Variants in COL24A1 observed in about 807,000 individuals in gnomAD.
COL24A1 encodes the protein collagen type XXIV alpha 1 chain, also known as collagen alpha-1(XXIV) chain.
Under a neutral mutation model 253.9 loss-of-function variants are expected in COL24A1, and 224 were observed. The observed-to-expected ratio is 0.88, with a 90% confidence interval of 0.79 to 0.99. COL24A1 has a LOEUF of 0.99. COL24A1 is among the 50% of genes least tolerant of loss of function. The pLI is 0.00. For synonymous variants in COL24A1, 685 were observed against 673.7 expected, an observed-to-expected ratio of 1.02 and a Z score of -0.26; for missense variants, 2,131 against 2,068.5, an observed-to-expected ratio of 1.03 and a Z score of -0.59.
intron 4 of COL24A1, among the ~76,000 whole-genome samples, chr1:86,114,589 G>A (rs1323499517): frequency 6.6e-6 from 1 of 152,126 alleles, no homozygotes; most frequent in Non-Finnish European, 1.5e-5. Context: ...AGCCCAATGA[G>A]AATTCATCTT....
intron 32 of COL24A1, among the ~76,000 whole-genome samples, chr1:85,887,874 C>T (rs113763432): frequency 0.014 from 2,065 of 152,124 alleles, 43 homozygotes; most frequent in African/African-American, 0.046. Flanking sequence ...TTTCTTTTCT[C>T]ACTTCTATAC....
intron 19 of COL24A1, among the ~76,000 whole-genome samples, chr1:86,003,011 G>A (rs750675323): frequency 3.9e-5 from 6 of 152,138 alleles, no homozygotes; most frequent in South Asian, 2.1e-4. Flanking sequence ...AATCAGTCCC[G>A]CCACTTGCAT....
At chr1:85,763,910 A>C (rs868673396) in intron 53 of COL24A1, among the ~76,000 whole-genome samples, 4 of 152,184 alleles carry the variant, frequency 2.6e-5, no homozygotes, top group African/African-American at 9.7e-5. Flanking sequence ...TTTATCCCAG[A>C]ATTTACATAC....
chr1:86,087,195 C>T lies in COL24A1; in HGVS notation c.1707+1979G>A, dbSNP rs148177466. 1.1e-3 allele frequency among the ~76,000 whole-genome samples: 174 copies of T among 152,056 alleles called. 5 individuals carry two copies. The East Asian group carries it at 0.025, about 22-fold the overall frequency. On this transcript the variant is annotated intron_variant, in intron 7 of 59. Transcript: ENST00000370571. ...TTTTTAAAAAATCTTATAAGAGAAA[C>T]AAGAAATCTGTGAAAGATATTCAAT... is the stretch of plus-strand genomic sequence containing the variant.
intron 52 of COL24A1, among the ~76,000 whole-genome samples, chr1:85,779,292 C>T (rs1280447898): frequency 2.0e-5 from 3 of 152,118 alleles, no homozygotes; most frequent in African/African-American, 4.8e-5. Flanking sequence ...TAGGAGTGAA[C>T]ATCTGGCTGA....
chr1:85,798,632 T>A (rs1241919390), intron 47 of COL24A1, among the ~76,000 whole-genome samples: 1 of 152,216 alleles, frequency 6.6e-6, no homozygotes, highest in Non-Finnish European at 1.5e-5. Context: ...GAAGCTTCGA[T>A]GGTGGTCCTA....
chr1:86,118,700 T>C (rs1440375120), intron 3 of COL24A1, among the ~76,000 whole-genome samples: 2 of 152,166 alleles, frequency 1.3e-5, no homozygotes, highest in Non-Finnish European at 2.9e-5. Flanking sequence ...AAGAGGTTAA[T>C]ATGGTGGACC....
intron 32 of COL24A1, among the ~76,000 whole-genome samples, chr1:85,884,994 T>C (rs1682307459): frequency 6.6e-6 from 1 of 152,078 alleles, no homozygotes; most frequent in Non-Finnish European, 1.5e-5. Context: ...CTAATTATAG[T>C]TTAAAGTGTC....
At chr1:86,015,328 G>A (rs569531451) in intron 19 of COL24A1, among the ~76,000 whole-genome samples, 2 of 152,232 alleles carry the variant, frequency 1.3e-5, no homozygotes, top group African/African-American at 4.8e-5. Flanking sequence ...AAAATGCTGG[G>A]GCTCAGGACC....
chr1:85,903,062 C>T (rs538498716), intron 28 of COL24A1, among the ~76,000 whole-genome samples: 7 of 82,580 alleles, frequency 8.5e-5, no homozygotes, highest in South Asian at 7.5e-4. Flanking sequence ...AAAAAGAATG[C>T]TTCCTTAAAA....
intron 20 of COL24A1, among the ~76,000 whole-genome samples, chr1:85,977,756 T>C (rs1456653711): frequency 6.6e-6 from 1 of 152,204 alleles, no homozygotes; most frequent in Non-Finnish European, 1.5e-5. Context: ...CTAAGAATAA[T>C]TGGTGTTCCT....
At chr1:86,133,623 A>T (rs1649686997) in intron 2 of COL24A1, among the ~76,000 whole-genome samples, 1 of 152,048 alleles carries the variant, frequency 6.6e-6, no homozygotes, top group African/African-American at 2.4e-5. Context: ...GGTTTTCGTC[A>T]TTGGCTCTGT....
chr1:85,741,050 C>T (rs1270842798), intron 57 of COL24A1, among the ~76,000 whole-genome samples: 3 of 147,104 alleles, frequency 2.0e-5, no homozygotes, highest in African/African-American at 5.0e-5. Context: ...ACCTGGAAGG[C>T]GGAGGTTGCA....
At chr1:86,058,018 T>A (rs1255458117) in intron 9 of COL24A1, 43 bp from the exon 10 acceptor site, 1 of 1,516,004 alleles carries the variant, frequency 6.6e-7, no homozygotes, top group Non-Finnish European at 9.1e-7. Context: ...ACAGTACTTT[T>A]TAAAGAGTTA....
intron 36 of COL24A1, 58 bp from the exon 37 acceptor site, chr1:85,868,684 A>T: frequency 6.6e-7 from 1 of 1,515,548 alleles, no homozygotes; most frequent in African/African-American, 1.4e-5. Context: ...TTATGCCAAT[A>T]ATAAACAGGT....
At chr1:86,114,902 T>G (rs2390014) in intron 4 of COL24A1, among the ~76,000 whole-genome samples, 19,917 of 152,206 alleles carry the variant, frequency 0.13, 1,612 homozygotes, top group South Asian at 0.24. Context: ...GCAGCTTTTT[T>G]CCTCAGGGCA....
At chr1:86,003,842 C>G (rs1695672675) in intron 19 of COL24A1, among the ~76,000 whole-genome samples, 1 of 151,976 alleles carries the variant, frequency 6.6e-6, no homozygotes, top group South Asian at 2.1e-4. Context: ...TGGGATTAGG[C>G]AAAGAGTATA....
chr1:85,736,036 G>A, intron 58 of COL24A1: 1 of 227,400 alleles, frequency 4.4e-6, no homozygotes, highest in Non-Finnish European at 8.9e-6. Context: ...TCAGAAACTT[G>A]CAAACAATAT....
intron 32 of COL24A1, among the ~76,000 whole-genome samples, chr1:85,888,869 A>C (rs1489422495): frequency 6.6e-6 from 1 of 152,162 alleles, no homozygotes; most frequent in Non-Finnish European, 1.5e-5. Context: ...ACCGATAATA[A>C]AATCAATGCA....
Sources: gnomAD v4.1 joint callset for allele counts (sites outside exome capture counted in the v4.1 genomes callset) on GRCh38, gnomAD v4.1.1 for gene constraint, MANE v1.5 for transcripts, NCBI Gene and HGNC (gene_info 2026-07-23, HGNC 2026-07-21) for gene names.